LAMA2: variants seen among roughly 807,000 people sequenced by gnomAD.
LAMA2 encodes the protein laminin subunit alpha 2, also known as laminin subunit alpha-2.
A neutral mutation model predicts 364.8 loss-of-function variants in LAMA2; 269 were observed. That is an observed-to-expected ratio of 0.74 (90% CI 0.67 to 0.82). The LOEUF (loss-of-function observed/expected upper bound fraction) is 0.82, where lower values mean the gene tolerates loss of function less well. LAMA2 is among the 40% of genes least tolerant of loss of function. The probability of loss-of-function intolerance (pLI) is 0.00; values close to 1 mark genes in which losing one functional copy is unlikely to be tolerated. For synonymous variants in LAMA2, 1,379 were observed against 1,370.6 expected (o/e 1.01, Z -0.14); for missense variants, 3,807 against 3,873.2 (o/e 0.98, Z 0.45).
chr6:129,053,203 T>C (rs1422587460), intron 2 of LAMA2, among the ~76,000 whole-genome samples: 3 of 152,108 alleles, frequency 2.0e-5, no homozygotes, highest in African/African-American at 4.8e-5. Flanking sequence ...CTCAGCCTCC[T>C]GAGAGGCATG....
intron 43 of LAMA2, chr6:129,442,244 T>C: frequency 7.6e-7 from 1 of 1,307,788 alleles, no homozygotes; most frequent in Non-Finnish European, 1.0e-6. Context: ...ATGGATGCTA[T>C]GATATAATAG....
intron 1 of LAMA2, among the ~76,000 whole-genome samples, chr6:128,966,632 C>T (rs1344524000): frequency 5.9e-4 from 1 of 1,706 alleles, no homozygotes; most frequent in Non-Finnish European, 5.7e-3. Context: ...CTGAAAAATT[C>T]TTATTATTTG....
At chr6:129,066,269 TCTC>T (rs1789338386) in intron 3 of LAMA2, among the ~76,000 whole-genome samples, 2 of 151,116 alleles carry the variant, frequency 1.3e-5, no homozygotes. Flanking sequence ...ATGGTCTCGA[TCTC>T]CTGACCTCGT....
chr6:129,225,057 A>C (rs980298039), intron 12 of LAMA2, among the ~76,000 whole-genome samples: 3 of 151,994 alleles, frequency 2.0e-5, no homozygotes, highest in Non-Finnish European at 4.4e-5. Context: ...CTTGTTTAGT[A>C]TTGGGAGGGT....
At chr6:128,969,625 T>G (rs1470910299) in intron 1 of LAMA2, among the ~76,000 whole-genome samples, 2 of 151,994 alleles carry the variant, frequency 1.3e-5, no homozygotes, top group Non-Finnish European at 2.9e-5. Flanking sequence ...GATATGAGGT[T>G]TCACCATGTT....
intron 40 of LAMA2, among the ~76,000 whole-genome samples, chr6:129,426,699 G>A (rs1013659582): frequency 2.6e-5 from 4 of 152,080 alleles, no homozygotes; most frequent in African/African-American, 2.4e-5. Flanking sequence ...CAATCAATCT[G>A]TTCTATGAGC....
At chr6:129,095,588 T>TC (rs1775123915) in intron 3 of LAMA2, among the ~76,000 whole-genome samples, 1 of 152,014 alleles carries the variant, frequency 6.6e-6, no homozygotes, top group African/African-American at 2.4e-5. Flanking sequence ...ACATTTTTTT[T>TC]CCTAATGGGA....
At chr6:129,284,561 G>T (rs1347591913) in intron 18 of LAMA2, among the ~76,000 whole-genome samples, 1 of 151,936 alleles carries the variant, frequency 6.6e-6, no homozygotes, top group Non-Finnish European at 1.5e-5. Flanking sequence ...TTTCTAATTT[G>T]CTTGGCTAGA....
At chr6:129,349,146 T>C (rs1452609925) in intron 30 of LAMA2, 152 bp from the exon 31 acceptor site, 4 of 659,986 alleles carry the variant, frequency 6.1e-6, no homozygotes, top group Non-Finnish European at 1.1e-5. Context: ...TGTGACGTCC[T>C]AGCCTTAAAT....
chr6:129,273,823 C>A (rs1328683735), intron 17 of LAMA2, among the ~76,000 whole-genome samples: 3 of 151,850 alleles, frequency 2.0e-5, no homozygotes, highest in Non-Finnish European at 4.4e-5. Flanking sequence ...ATAACAATAC[C>A]AGTAACACCA....
At chr6:128,941,097 G>A (rs1780124155) in intron 1 of LAMA2, among the ~76,000 whole-genome samples, 1 of 152,318 alleles carries the variant, frequency 6.6e-6, no homozygotes, top group South Asian at 2.1e-4. Flanking sequence ...GAATAAGCAT[G>A]GGGCTTTTAA....
chr6:129,129,900 G>A (rs1777357986), intron 4 of LAMA2, among the ~76,000 whole-genome samples: 2 of 146,472 alleles, frequency 1.4e-5, no homozygotes, highest in Admixed American at 6.8e-5. Context: ...CTCCAGCCTG[G>A]GCGACAGAGC....
intron 17 of LAMA2, among the ~76,000 whole-genome samples, chr6:129,275,163 A>G (rs1788216075): frequency 6.6e-6 from 1 of 152,004 alleles, no homozygotes; most frequent in Admixed American, 6.6e-5. Context: ...ATATAGAGAA[A>G]TGTATTCCAA....
chr6:128,938,919 C>T (rs1210156021), intron 1 of LAMA2, among the ~76,000 whole-genome samples: 1 of 152,170 alleles, frequency 6.6e-6, no homozygotes, highest in Non-Finnish European at 1.5e-5. Flanking sequence ...TCATTTCCCT[C>T]CTTCTGCACT....
chr6:128,936,060 C>A (rs1779792224), intron 1 of LAMA2, among the ~76,000 whole-genome samples: 1 of 152,186 alleles, frequency 6.6e-6, no homozygotes, highest in Admixed American at 6.5e-5. Flanking sequence ...TCGCTTGGCA[C>A]TTCTTCTTCC....
In LAMA2 at chr6:129,512,395, G is replaced by C. The variant is rs202159946; in HGVS notation, c.8890G>C (p.Val2964Leu). ...ATTCAAAGTGGGATTGGACCTTCTT[G>C]TAGAATTTGAATTCCGCACAACTAC... ...GGFKVGLDLLVEFEFRTTTTT... is the reference protein window; with the variant it reads ...GGFKVGLDLLLEFEFRTTTTT... The change falls in exon 63 of 65, where the codon GTA becomes CTA. Residue 2964 changes from valine to leucine, a missense_variant. Physicochemically the swap from Val to Leu is conservative, Grantham distance 32. Around this residue, in one of 3 missense-constraint regions of LAMA2, gnomAD observed 3,333 missense variants for 3,345.7 expected, o/e 1.00. Transcript: ENST00000421865. The C allele has an allele frequency of 1.2e-6, 2 of 1,613,620 alleles. No individual in the cohort carries two copies.
At chr6:128,883,907 T>C (rs1256940804) in intron 1 of LAMA2, among the ~76,000 whole-genome samples, 1 of 152,036 alleles carries the variant, frequency 6.6e-6, no homozygotes, top group African/African-American at 2.4e-5. Context: ...AGAAGTTATG[T>C]GGTTTTTTTT....
At chr6:129,128,968 T>C (rs1235500096) in intron 4 of LAMA2, among the ~76,000 whole-genome samples, 2 of 141,288 alleles carry the variant, frequency 1.4e-5, no homozygotes, top group East Asian at 3.8e-4. Flanking sequence ...TTCTTAAAAG[T>C]TTAATATTTC....
intron 4 of LAMA2, among the ~76,000 whole-genome samples, chr6:129,135,430 G>A (rs906082969): frequency 6.6e-6 from 1 of 152,146 alleles, no homozygotes; most frequent in Admixed American, 6.5e-5. Context: ...GACTGGAATC[G>A]AACACATTGT....
Sources: gnomAD v4.1 joint callset for allele counts (sites outside exome capture counted in the v4.1 genomes callset) on GRCh38, gnomAD v4.1.1 for gene constraint, gnomAD v4.1.1 regional missense constraint, MANE v1.5 for transcripts, NCBI Gene and HGNC (gene_info 2026-07-23, HGNC 2026-07-21) for gene names.